UGT2A3: variants seen among roughly 807,000 people sequenced by gnomAD.
UGT2A3 encodes the protein UDP glucuronosyltransferase family 2 member A3.
UGT2A3 carries 55 observed loss-of-function variants against 44.1 expected under a neutral mutation model. That is an observed-to-expected ratio of 1.25 (90% confidence interval 1.00 to 1.56). The LOEUF is 1.56. UGT2A3 is among the 40% of genes most tolerant of loss of function. UGT2A3 has a pLI of 0.00. For synonymous variants in UGT2A3, 243 were observed against 215.1 expected (o/e 1.13, Z -1.13); for missense variants, 733 against 621.6 (o/e 1.18, Z -1.91).
intron 2 of UGT2A3, among the ~76,000 whole-genome samples, chr4:68,943,083 A>G (rs1453288046): frequency 6.6e-6 from 1 of 151,856 alleles, no homozygotes; most frequent in African/African-American, 2.4e-5. Context: ...AGACAGCCCT[A>G]AAATATATCT....
chr4:68,947,267 T>C (rs746307511), intron 1 of UGT2A3, among the ~76,000 whole-genome samples: 40 of 151,810 alleles, frequency 2.6e-4, no homozygotes, highest in Admixed American at 1.4e-3. Flanking sequence ...ACAATGTTCA[T>C]AGCATTTTCA....
chr4:68,934,572 T>C (rs1164377136), intron 2 of UGT2A3, among the ~76,000 whole-genome samples: 2 of 151,594 alleles, frequency 1.3e-5, no homozygotes, highest in Non-Finnish European at 2.9e-5. Flanking sequence ...AAATGGGAGA[T>C]TACAAAGAGA....
chr4:68,942,319 A>ATCTCTCTC (rs3071533), intron 2 of UGT2A3, among the ~76,000 whole-genome samples: 84 of 146,020 alleles, frequency 5.8e-4, no homozygotes, highest in African/African-American at 1.5e-3. Flanking sequence ...ATTTGAAAAT[A>ATCTCTCTC]TCTCTCTCTC....
intron 4 of UGT2A3, 68 bp from the exon 5 acceptor site, chr4:68,930,833 T>C: frequency 7.8e-7 from 1 of 1,283,072 alleles, no homozygotes; most frequent in Non-Finnish European, 1.1e-6. Flanking sequence ...ATTTAAAGAC[T>C]ACAGATGGGA....
chr4:68,930,461 T>C lies in UGT2A3; in HGVS notation c.1304+85A>G, dbSNP rs142189047. The C allele has an allele frequency of 3.3e-4, 415 of 1,270,440 alleles. 3 individuals are homozygous for C. The African/African-American group carries it at 5.5e-3, about 17-fold the overall frequency. The allele number at this position is 1,270,440 out of a possible 1,614,324, so 78.7% of individuals were successfully genotyped here. On this transcript the variant is annotated intron_variant, in intron 5 of 5. Transcript: ENST00000251566. ...TTGTGGAGTAAAATCCCTCAACATG[T>C]CTACCAGGATGATATTTAACATTTT...
chr4:68,948,331 C>T (rs1458243), intron 1 of UGT2A3, among the ~76,000 whole-genome samples: 105,817 of 151,582 alleles, frequency 0.7, 39,363 homozygotes, highest in Non-Finnish European at 0.86. Context: ...CTCTCTGAGG[C>T]TTCATGCAAT....
chr4:68,935,747 G>T (rs1717927843), intron 2 of UGT2A3, among the ~76,000 whole-genome samples: 1 of 151,912 alleles, frequency 6.6e-6, no homozygotes, highest in Non-Finnish European at 1.5e-5. Flanking sequence ...CAGAAAGTCT[G>T]TAATAACAAA....
At chr4:68,939,416 T>A (rs2109786333) in intron 2 of UGT2A3, among the ~76,000 whole-genome samples, 1 of 152,310 alleles carries the variant, frequency 6.6e-6, no homozygotes, top group Middle Eastern at 3.4e-3. Flanking sequence ...CCATGTGATC[T>A]TTGACAAATC....
At chr4:68,949,033 T>G (rs549268357) in intron 1 of UGT2A3, among the ~76,000 whole-genome samples, 8 of 151,798 alleles carry the variant, frequency 5.3e-5, no homozygotes, top group Admixed American at 3.3e-4. Context: ...CTGGCTCTTT[T>G]TAATAATTAT....
chr4:68,933,517 A>C (rs1717818921), intron 2 of UGT2A3, among the ~76,000 whole-genome samples: 1 of 152,062 alleles, frequency 6.6e-6, no homozygotes, highest in Admixed American at 6.6e-5. Flanking sequence ...AGCACTAATC[A>C]CAGCAAATGG....
At position 68,951,246 on chromosome 4, in the gene UGT2A3, A is replaced by G; in HGVS notation, c.515T>C (p.Ile172Thr). The G allele has an allele frequency of 6.2e-7, 1 of 1,611,246 alleles. No homozygotes were observed. Among genetic ancestry groups the G allele is most frequent in the East Asian group, 2.2e-5 (1 of 44,646 alleles). ...TCGCTCCATATTGCCTCCTACAGAA[A>G]TTCTAAGTGTGAGCACAAAAGGGAC... The part of the protein sequence containing the change: ...LAVPFVLTLR[I>T]SVGGNMERSC... Residue 172 changes from isoleucine to threonine, a missense_variant, in exon 1 of 6, where the codon ATT becomes ACT. Physicochemically the swap from Ile to Thr is moderately conservative, Grantham distance 89 (BLOSUM62 -1). Coordinates refer to ENST00000251566, the MANE Select transcript of UGT2A3 (RefSeq NM_024743.4).
At chr4:68,933,788 AC>A (rs1374453039) in intron 2 of UGT2A3, among the ~76,000 whole-genome samples, 1 of 152,064 alleles carries the variant, frequency 6.6e-6, no homozygotes, top group East Asian at 1.9e-4. Context: ...AAGTTCTGGC[AC>A]AGCATTATGT....
At chr4:68,934,388 G>A (rs566752398) in intron 2 of UGT2A3, among the ~76,000 whole-genome samples, 2 of 151,800 alleles carry the variant, frequency 1.3e-5, no homozygotes, top group South Asian at 4.2e-4. Flanking sequence ...AAATTATTAG[G>A]AAAACAAGAT....
At chr4:68,940,901 G>GC (rs1195487616) in intron 2 of UGT2A3, among the ~76,000 whole-genome samples, 1 of 151,308 alleles carries the variant, frequency 6.6e-6, no homozygotes, top group Non-Finnish European at 1.5e-5. Flanking sequence ...ATAAATTTAT[G>GC]CATTTACTGC....
In UGT2A3 at chr4:68,951,770, TC is replaced by T; in HGVS notation, c.-11del. On this transcript the variant is annotated 5_prime_UTR_variant, in exon 1 of 6. Transcript: ENST00000251566. ...ACTTGTCAGACCTCATGATGGCAGT[TC>T]CCTCACACACTGATCTGCAATGGTT... is the stretch of plus-strand genomic sequence containing the variant. 2.6e-6 allele frequency: 4 copies of T among 1,562,112 alleles called. No homozygotes were observed. Among genetic ancestry groups the T allele is most frequent in the Non-Finnish European group, 3.5e-6 (4 of 1,153,632 alleles).
rs531263590 is a variant in UGT2A3, at chr4:68,946,759, G to C, written c.716-1305C>G. ...AAATGCCATACACACATATCTTGGA[G>C]ATATTGCAAGATAAGTTGCAGTTCA... On this transcript the variant is annotated intron_variant, in intron 1 of 5. Transcript: ENST00000251566. 4.6e-5 allele frequency among the ~76,000 whole-genome samples: 7 copies of C among 151,664 alleles called. No individual in the cohort carries two copies. In the South Asian group the frequency reaches 1.5e-3, roughly 31 times the overall value.
chr4:68,941,947 C>T (rs774202430), intron 2 of UGT2A3, among the ~76,000 whole-genome samples: 8 of 151,756 alleles, frequency 5.3e-5, no homozygotes, highest in Non-Finnish European at 8.8e-5. Context: ...TCACATCACC[C>T]CTGTTATGGC....
chr4:68,929,598 G>T lies in UGT2A3; in HGVS notation c.*215C>A. 4.4e-6 allele frequency: 2 copies of T among 456,578 alleles called. No homozygotes were observed. The highest frequency in any genetic ancestry group is 7.8e-6 in the Non-Finnish European group (2 of 256,096). 28.3% of individuals were successfully genotyped at this position (456,578 alleles called of 1,614,324 possible). On this transcript the variant is annotated 3_prime_UTR_variant, in exon 6 of 6. Coordinates refer to ENST00000251566, the MANE Select transcript of UGT2A3 (RefSeq NM_024743.4). ...AAAATTTAGATGTATTCATGTCCTTGTGTCACAAAGTGAGAGAAGAGAGTA... is the reference window on the plus strand; with the variant it reads ...AAAATTTAGATGTATTCATGTCCTTTTGTCACAAAGTGAGAGAAGAGAGTA...
In UGT2A3 at chr4:68,929,716, G is replaced by T; in HGVS notation, c.*97C>A. On this transcript the variant is annotated 3_prime_UTR_variant, in exon 6 of 6. Transcript: ENST00000251566. The stretch of plus-strand genomic sequence containing the variant: ...GCTATATAGCTAAGATAAAATAACA[G>T]AATAGATAATATGAAAATAGCAAGG... 1 of 1,130,202 alleles carries T rather than the reference G, an allele frequency of 8.8e-7. No homozygotes were observed. Among genetic ancestry groups the T allele is most frequent in the Non-Finnish European group, 1.3e-6 (1 of 788,328 alleles). 70.0% of individuals were successfully genotyped at this position (1,130,202 alleles called of 1,614,324 possible).
Sources: gnomAD v4.1 joint callset for allele counts (sites outside exome capture counted in the v4.1 genomes callset) on GRCh38, gnomAD v4.1.1 for gene constraint, MANE v1.5 for transcripts, NCBI Gene and HGNC (gene_info 2026-07-23, HGNC 2026-07-21) for gene names.